Variants in USP54 observed in about 807,000 individuals in gnomAD.
The protein encoded by USP54 is ubiquitin carboxyl-terminal hydrolase 54.
Under a neutral mutation model 170.5 loss-of-function variants are expected in USP54, and 87 were observed. That is an observed-to-expected ratio of 0.51 (90% confidence interval 0.43 to 0.61). The LOEUF (loss-of-function observed/expected upper bound fraction) is 0.61, where lower values mean the gene tolerates loss of function less well. USP54 is among the 20% of genes least tolerant of loss of function. The pLI, the probability that USP54 is intolerant of heterozygous loss-of-function variation, is 0.00. For missense variants in USP54, 1,786 were observed against 2,047.8 expected (o/e 0.87, Z 2.47); for synonymous variants, 655 against 742.8 (o/e 0.88, Z 1.92).
At chr10:73,621,772 AAGCATAGCTCC>A (rs2081116045) in intron 1 of USP54, among the ~76,000 whole-genome samples, 1 of 152,170 alleles carries the variant, frequency 6.6e-6, no homozygotes, top group Non-Finnish European at 1.5e-5. Flanking sequence ...CTATTTTCCC[AAGCATAGCTCC>A]CTATACAATT....
At chr10:73,516,345 C>A (rs199900767) in intron 20 of USP54, 30 bp downstream of exon 20, 243 of 1,577,022 alleles carry the variant, frequency 1.5e-4, no homozygotes, top group Non-Finnish European at 2.0e-4. Context: ...GATCCTCCCC[C>A]CTCCCCCCAA....
chr10:73,525,326 G>A (rs993451952), intron 16 of USP54, among the ~76,000 whole-genome samples: 1 of 152,196 alleles, frequency 6.6e-6, no homozygotes, highest in Non-Finnish European at 1.5e-5. Flanking sequence ...TGTTTGTTCT[G>A]TGTCTTAATA....
chr10:73,571,623 C>T (rs2075219212), intron 3 of USP54, 110 bp from the exon 4 acceptor site: 2 of 752,794 alleles, frequency 2.7e-6, no homozygotes, highest in South Asian at 4.5e-5. Context: ...GTCTTTATTC[C>T]CAAAAGAAAA....
chr10:73,526,286 C>T (rs1165530057), intron 16 of USP54, among the ~76,000 whole-genome samples: 2 of 152,024 alleles, frequency 1.3e-5, no homozygotes, highest in Non-Finnish European at 2.9e-5. Context: ...CTCACTCTGT[C>T]GCCCAGGCTG....
At chr10:73,569,902 C>CAAAAAAAAAAAAAAAAAAAAA (rs34676499) in intron 4 of USP54, among the ~76,000 whole-genome samples, 5 of 18,708 alleles carry the variant, frequency 2.7e-4, no homozygotes, top group Admixed American at 8.4e-4. Flanking sequence ...ATTTCATCTC[C>CAAAAAAAAAAAAAAAAAAAAA]AAAAAAAAAA....
At chr10:73,579,345 C>T (rs1456671518) in intron 1 of USP54, among the ~76,000 whole-genome samples, 1 of 152,074 alleles carries the variant, frequency 6.6e-6, no homozygotes, top group Non-Finnish European at 1.5e-5. Context: ...TTGGAAGACA[C>T]TGTTAAGAGA....
chr10:73,530,057 G>A (rs530441797), intron 14 of USP54, 86 bp downstream of exon 14: 2 of 1,520,938 alleles, frequency 1.3e-6, no homozygotes, highest in African/African-American at 1.4e-5. Flanking sequence ...AGTGCCCCTT[G>A]CCAGATGTAC....
chr10:73,567,035 C>A (rs1038432517), intron 4 of USP54, among the ~76,000 whole-genome samples: 1 of 151,810 alleles, frequency 6.6e-6, no homozygotes, highest in African/African-American at 2.4e-5. Context: ...CGCCACCACA[C>A]CCAGCTAATT....
intron 1 of USP54, among the ~76,000 whole-genome samples, chr10:73,600,906 C>T (rs2079118293): frequency 6.6e-6 from 1 of 152,088 alleles, no homozygotes; most frequent in African/African-American, 2.4e-5. Context: ...AAGAGTGAAA[C>T]TCTATCTCAA....
intron 1 of USP54, among the ~76,000 whole-genome samples, chr10:73,588,063 T>C (rs2077730880): frequency 6.6e-6 from 1 of 152,200 alleles, no homozygotes; most frequent in African/African-American, 2.4e-5. Flanking sequence ...CCATCTCTCT[T>C]TCTCTTACAG....
At chr10:73,575,379 A>T (rs2075975564) in intron 3 of USP54, 133 bp downstream of exon 3, 1 of 1,070,518 alleles carries the variant, frequency 9.3e-7, no homozygotes, top group Middle Eastern at 2.6e-4. Flanking sequence ...TCACACAGAT[A>T]AATGTAAAAA....
chr10:73,547,838 A>G (rs1245314259), intron 4 of USP54, among the ~76,000 whole-genome samples: 2 of 152,244 alleles, frequency 1.3e-5, no homozygotes, highest in Non-Finnish European at 2.9e-5. Context: ...CTTCATGACT[A>G]AAACACCAAA....
At chr10:73,554,343 AATT>A (rs1374448938) in intron 4 of USP54, among the ~76,000 whole-genome samples, 1 of 152,178 alleles carries the variant, frequency 6.6e-6, no homozygotes, top group Non-Finnish European at 1.5e-5. Flanking sequence ...TGGACTTCCC[AATT>A]TTGGCTCTCA....
intron 15 of USP54, 65 bp from the exon 16 acceptor site, chr10:73,526,845 T>C: frequency 1.3e-6 from 2 of 1,528,302 alleles, no homozygotes; most frequent in South Asian, 2.5e-5. Flanking sequence ...TTCCTAGGAC[T>C]AAATCTCTCT....
intron 4 of USP54, among the ~76,000 whole-genome samples, chr10:73,557,859 G>A (rs2071551369): frequency 6.7e-6 from 1 of 149,302 alleles, no homozygotes; most frequent in Non-Finnish European, 1.5e-5. Flanking sequence ...GCTCAAGAAG[G>A]ATTTAAAGAG....
chr10:73,538,732 A>C (rs2065861376), intron 10 of USP54, among the ~76,000 whole-genome samples: 1 of 152,268 alleles, frequency 6.6e-6, no homozygotes, highest in South Asian at 2.1e-4. Context: ...GAATTGCTTA[A>C]ACCTGGAAAA....
At chr10:73,615,573 T>C (rs960551773) in intron 1 of USP54, among the ~76,000 whole-genome samples, 1 of 150,260 alleles carries the variant, frequency 6.7e-6, no homozygotes, top group Non-Finnish European at 1.5e-5. Flanking sequence ...AAACATCTCA[T>C]GTACCCAATA....
At chr10:73,542,992 TA>T (rs1158764190) in intron 6 of USP54, 25 bp downstream of exon 6, 1 of 1,610,574 alleles carries the variant, frequency 6.2e-7, no homozygotes, top group South Asian at 1.1e-5. Flanking sequence ...AAGAAATGTC[TA>T]AAAAAAGATG....
upstream of USP54, chr10:73,625,731 G>C (rs2081485677): frequency 6.6e-6 from 1 of 151,670 alleles, no homozygotes; most frequent in African/African-American, 2.4e-5. Flanking sequence ...CCTCCCCCTG[G>C]ACCTCCCAGC....
Sources: allele counts gnomAD v4.1 joint callset (sites outside exome capture counted in the v4.1 genomes callset), GRCh38; gene constraint gnomAD v4.1.1; transcripts MANE v1.5; gene names NCBI Gene and HGNC (gene_info 2026-07-23, HGNC 2026-07-21).